BRSK2: variants seen among roughly 807,000 people sequenced by gnomAD.
The protein encoded by BRSK2 is BR serine/threonine kinase 2.
In BRSK2, 19 loss-of-function variants were observed where a neutral mutation model predicts 83.3. The observed-to-expected ratio is 0.23, with a 90% CI of 0.16 to 0.33. The LOEUF (loss-of-function observed/expected upper bound fraction) is 0.33. Ranked by LOEUF, BRSK2 falls within the 10% of genes least tolerant of loss-of-function variation. BRSK2 has a pLI of 1.00. For synonymous variants in BRSK2, 519 were observed against 435.4 expected (o/e 1.19, Z -2.39); for missense variants, 798 against 1,042.3 (o/e 0.77, Z 3.23).
intron 18 of BRSK2, chr11:1,457,131 C>T: frequency 1.6e-6 from 2 of 1,237,582 alleles, no homozygotes; most frequent in Non-Finnish European, 2.2e-6. Flanking sequence ...GAGCAGGGCC[C>T]TCCATGCCCA....
intron 1 of BRSK2, among the ~76,000 whole-genome samples, chr11:1,394,725 A>C (rs1168296670): frequency 2.6e-5 from 2 of 77,976 alleles, no homozygotes; most frequent in Non-Finnish European, 2.5e-5. Context: ...GAGATGGGCC[A>C]TGGAGATGGG....
At chr11:1,398,431 G>C (rs1393437710) in intron 1 of BRSK2, among the ~76,000 whole-genome samples, 1 of 152,152 alleles carries the variant, frequency 6.6e-6, no homozygotes, top group African/African-American at 2.4e-5. Flanking sequence ...CCCGCCCCGG[G>C]AAGGGTGGTG....
At chr11:1,395,732 C>T (rs538443805) in intron 1 of BRSK2, among the ~76,000 whole-genome samples, 26 of 152,334 alleles carry the variant, frequency 1.7e-4, no homozygotes, top group Non-Finnish European at 2.6e-4. Context: ...TCGTGCTGGC[C>T]GTGCTGGCCC....
chr11:1,396,884 C>CTGGA (rs1846160974), intron 1 of BRSK2, among the ~76,000 whole-genome samples: 1 of 152,244 alleles, frequency 6.6e-6, no homozygotes, highest in Non-Finnish European at 1.5e-5. Context: ...GACAGCCCAC[C>CTGGA]TGGACCCTGG....
Position 1,454,880 on chromosome 11 carries a change from C to T in BRSK2, c.1668+272C>T, listed in dbSNP as rs1213942673. On this transcript the variant is annotated intron_variant, in intron 16 of 19. Transcript: ENST00000528841. This position sits in a 1 kb window ranked among gnomAD's most constrained non-coding sequence, Gnocchi z 5.2. ...GTCCCCAGCAGCCCTAGGTGTGTGC[C>T]GGACAGGCCTGGGCAGCTGGCACGT... is the stretch of plus-strand genomic sequence containing the variant. Among the ~76,000 whole-genome samples the T allele has an allele frequency of 1.3e-5, 2 of 152,190 alleles. No homozygotes were observed. Among genetic ancestry groups the T allele is most frequent in the African/African-American group, 2.4e-5 (1 of 41,448 alleles).
chr11:1,457,409 C>A (rs1434089219), intron 18 of BRSK2, among the ~76,000 whole-genome samples: 1 of 151,946 alleles, frequency 6.6e-6, no homozygotes, highest in East Asian at 1.9e-4. Context: ...TGGGCTCACA[C>A]AGGGGAGGGT....
intron 8 of BRSK2, among the ~76,000 whole-genome samples, chr11:1,443,884 G>A (rs536434675): frequency 2.9e-4 from 44 of 152,278 alleles, no homozygotes; most frequent in African/African-American, 9.1e-4. Context: ...AGGTGTGGGA[G>A]TGCCCAGGCG....
intron 12 of BRSK2, among the ~76,000 whole-genome samples, chr11:1,446,457 C>G (rs1852142695): frequency 2.6e-5 from 4 of 151,652 alleles, no homozygotes; most frequent in Admixed American, 2.6e-4. Flanking sequence ...GCTGGCTTGA[C>G]CCAAGCTTGG....
chr11:1,407,813 A>G (rs963770716), intron 1 of BRSK2, among the ~76,000 whole-genome samples: 1 of 152,218 alleles, frequency 6.6e-6, no homozygotes, highest in African/African-American at 2.4e-5. Context: ...TGCCACCTCC[A>G]GGAGGGCTTT....
chr11:1,452,612 C>T (rs1845934295), intron 15 of BRSK2, among the ~76,000 whole-genome samples: 1 of 151,674 alleles, frequency 6.6e-6, no homozygotes, highest in South Asian at 2.1e-4. Flanking sequence ...CACAGCCCCA[C>T]CCAAGGGCCC....
chr11:1,460,742 CCAG>C lies in BRSK2; in HGVS notation c.*22_*24del. On this transcript the variant is annotated 3_prime_UTR_variant, in exon 20 of 20. Transcript: ENST00000528841. Reference sequence around the variant, plus strand: ...GCCTTAGACACACTAGCCCCCCCCCCCAGCACAGCACTGACAGCGGCTGCCTCG... The same window carrying C: ...GCCTTAGACACACTAGCCCCCCCCCCCACAGCACTGACAGCGGCTGCCTCG... 7.1e-7 allele frequency: 1 copy of C among 1,414,416 alleles called. No homozygotes were observed. Among genetic ancestry groups the C allele is most frequent in the Non-Finnish European group, 9.3e-7 (1 of 1,079,402 alleles). The allele number at this position is 1,414,416 out of a possible 1,614,324, so 87.6% of individuals were successfully genotyped here.
intron 12 of BRSK2, among the ~76,000 whole-genome samples, 179 bp downstream of exon 12, chr11:1,446,086 G>A (rs1383003680): frequency 1.4e-5 from 2 of 139,842 alleles, no homozygotes; most frequent in South Asian, 2.3e-4. Context: ...GGCTGGGCTG[G>A]GCTTAGCTGG....
chr11:1,441,020 C>A (rs1056015756), intron 4 of BRSK2, 92 bp downstream of exon 4: 1 of 1,138,978 alleles, frequency 8.8e-7, no homozygotes. Flanking sequence ...AGGACTACAC[C>A]CCCTATGGTG....
At chr11:1,445,226 G>C (rs114788455) in intron 9 of BRSK2, 68 bp from the exon 10 acceptor site, 63,794 of 1,533,188 alleles carry the variant, frequency 0.042, 1,685 homozygotes, top group African/African-American at 0.12. Context: ...GAGGGCGGGC[G>C]TCCCACCCTC....
At chr11:1,392,408 G>A (rs1279153502) in intron 1 of BRSK2, among the ~76,000 whole-genome samples, 2 of 152,218 alleles carry the variant, frequency 1.3e-5, no homozygotes, top group Non-Finnish European at 1.5e-5. Context: ...TGGTGTGGAC[G>A]CGACTCCAGC....
At chr11:1,453,363 G>A (rs1006963230) in intron 15 of BRSK2, among the ~76,000 whole-genome samples, 1 of 152,236 alleles carries the variant, frequency 6.6e-6, no homozygotes, top group African/African-American at 2.4e-5. Context: ...AGTCACGTTT[G>A]TACCATCTGT....
intron 8 of BRSK2, among the ~76,000 whole-genome samples, chr11:1,444,330 C>T (rs559468817): frequency 6.6e-6 from 1 of 152,272 alleles, no homozygotes; most frequent in South Asian, 2.1e-4. Flanking sequence ...CACGTGTCCA[C>T]TTGACAGAAG....
At chr11:1,410,671 C>T in intron 1 of BRSK2, 1 of 985,412 alleles carries the variant, frequency 1.0e-6, no homozygotes, top group Non-Finnish European at 1.2e-6. Flanking sequence ...GGCCCTGAGT[C>T]AGCACTGCCT....
At chr11:1,445,265 T>C (rs772275216) in intron 9 of BRSK2, 29 bp from the exon 10 acceptor site, 1 of 1,583,956 alleles carries the variant, frequency 6.3e-7, no homozygotes, top group East Asian at 2.3e-5. Context: ...CCGGAGCTGA[T>C]GAGCGGGTGG....
Sources: gnomAD v4.1 joint callset for allele counts (sites outside exome capture counted in the v4.1 genomes callset) on GRCh38, gnomAD v4.1.1 for gene constraint, Gnocchi (gnomAD v3.1) non-coding constraint, MANE v1.5 for transcripts, NCBI Gene and HGNC (gene_info 2026-07-23, HGNC 2026-07-21) for gene names.